The following NFASC variants were observed in gnomAD, a reference collection of about 807,000 sequenced individuals.
The protein encoded by NFASC is neurofascin.
A neutral mutation model predicts 147.5 loss-of-function variants in NFASC; 43 were observed. The observed-to-expected ratio is 0.29, with a 90% CI of 0.23 to 0.38. The LOEUF (loss-of-function observed/expected upper bound fraction) is 0.38, where lower values mean the gene tolerates loss of function less well. NFASC is among the 10% of genes least tolerant of loss of function. NFASC has a pLI of 1.00. For missense variants in NFASC, 1,320 were observed against 1,689.0 expected (o/e 0.78, Z 3.83); for synonymous variants, 622 against 665.5 (o/e 0.93, Z 1.01).
At chr1:204,994,597 C>T (rs926965213) in intron 24 of NFASC, among the ~76,000 whole-genome samples, 1 of 152,160 alleles carries the variant, frequency 6.6e-6, no homozygotes, top group African/African-American at 2.4e-5. Context: ...GAAGGGAGGC[C>T]CAGGCTCCTG....
At chr1:204,970,126 C>T (rs1480002818) in intron 10 of NFASC, among the ~76,000 whole-genome samples, 2 of 150,302 alleles carry the variant, frequency 1.3e-5, no homozygotes, top group African/African-American at 2.4e-5. Flanking sequence ...AATTCAGTGC[C>T]TAAAGAAATG....
intron 1 of NFASC, among the ~76,000 whole-genome samples, chr1:204,865,649 C>T (rs1232885046): frequency 6.6e-6 from 1 of 152,172 alleles, no homozygotes; most frequent in Non-Finnish European, 1.5e-5. Flanking sequence ...TTTTCCTTAT[C>T]CCACTACAAC....
chr1:204,909,387 G>A (rs1305981519), intron 1 of NFASC, among the ~76,000 whole-genome samples: 1 of 152,046 alleles, frequency 6.6e-6, no homozygotes, highest in African/African-American at 2.4e-5. Flanking sequence ...CGTATTTGTT[G>A]TCTGTATTTC....
intron 5 of NFASC, among the ~76,000 whole-genome samples, chr1:204,952,939 G>T (rs1440247754): frequency 6.6e-6 from 1 of 152,202 alleles, no homozygotes; most frequent in Non-Finnish European, 1.5e-5. Context: ...ACACAAGACA[G>T]TCTCAAACCC....
At chr1:204,856,155 C>T (rs963288263) in intron 1 of NFASC, among the ~76,000 whole-genome samples, 1 of 151,962 alleles carries the variant, frequency 6.6e-6, no homozygotes, top group African/African-American at 2.4e-5. Flanking sequence ...TGGTCTTTGC[C>T]CTCGAGAGCT....
intron 24 of NFASC, among the ~76,000 whole-genome samples, chr1:204,992,612 A>G (rs1274379701): frequency 6.6e-6 from 1 of 152,152 alleles, no homozygotes; most frequent in Non-Finnish European, 1.5e-5. Context: ...GGTGAGAGCC[A>G]TCCTTGCCAC....
chr1:204,994,349 C>G (rs547352495), intron 24 of NFASC, among the ~76,000 whole-genome samples: 1 of 152,198 alleles, frequency 6.6e-6, no homozygotes, highest in Non-Finnish European at 1.5e-5. Flanking sequence ...CTCATCCTTA[C>G]CTCTGCCCAG....
In NFASC at chr1:204,954,482, G is replaced by T. The variant is rs955768612; in HGVS notation, c.412+98G>T. ...TCCAGAAGGGCTGCCCCTGCCCTTG[G>T]CCTGCAGTTGCCTTGGTGTTCTCTA... On this transcript the variant is annotated intron_variant, in intron 6 of 29. Coordinates refer to ENST00000339876, the MANE Select transcript of NFASC (RefSeq NM_001005388.3). The surrounding 1 kb of genome is among the most constrained non-coding windows in gnomAD (Gnocchi z 5.7). The T allele has an allele frequency of 9.1e-7, 1 of 1,101,088 alleles. No individual in the cohort carries two copies. 68.2% of individuals were successfully genotyped at this position (1,101,088 alleles called of 1,614,324 possible). A position where few individuals can be genotyped will look rare whatever the true frequency, so the allele number is the denominator to read the frequency against.
In NFASC at chr1:204,964,282, C is replaced by T. The variant is rs1166146738; in HGVS notation, c.707-3967C>T. The stretch of plus-strand genomic sequence containing the variant: ...TATGGTTCCTAGTATGTGTTGGGCA[C>T]ATTCTCGATACTTAACAAGTGTTAC... On this transcript the variant is annotated intron_variant, in intron 8 of 29. Coordinates refer to ENST00000339876, the MANE Select transcript of NFASC (RefSeq NM_001005388.3). Among the ~76,000 whole-genome samples the T allele has an allele frequency of 3.3e-5, 5 of 152,230 alleles. No homozygotes were observed. In the East Asian group the frequency reaches 9.6e-4, roughly 29 times the overall value.
At chr1:204,998,519 T>G (rs770853768) in intron 25 of NFASC, 6 of 152,098 alleles carry the variant, frequency 3.9e-5, no homozygotes, top group Non-Finnish European at 7.4e-5. Context: ...TGACATAGAG[T>G]TAAGTGAGCT....
At position 204,874,878 on chromosome 1, in the gene NFASC, G is replaced by A. The variant is rs1253377514; in HGVS notation, c.-199-45754G>A. Among the ~76,000 whole-genome samples the A allele has an allele frequency of 2.0e-5, 3 of 152,086 alleles. No homozygotes were observed. The East Asian group carries it at 5.8e-4, about 29-fold the overall frequency. On this transcript the variant is annotated intron_variant, in intron 1 of 29. Transcript: ENST00000339876. ...CAAAATGAGAGGGGTGGGTGGTGGG[G>A]GCAGGTGGCATCATACTTTCTGGCT...
chr1:204,882,605 T>C (rs2080493089), intron 1 of NFASC, among the ~76,000 whole-genome samples: 1 of 152,056 alleles, frequency 6.6e-6, no homozygotes. Context: ...TCTCCCCCAC[T>C]GGAAGGTAGG....
intron 1 of NFASC, among the ~76,000 whole-genome samples, chr1:204,897,807 C>G (rs920220788): frequency 5.9e-5 from 9 of 152,100 alleles, no homozygotes; most frequent in African/African-American, 2.2e-4. Flanking sequence ...ATGGTCTCAC[C>G]TCACTGCAAC....
chr1:204,952,617 G>A (rs1036386684), intron 5 of NFASC, among the ~76,000 whole-genome samples: 9 of 152,114 alleles, frequency 5.9e-5, no homozygotes, highest in African/African-American at 2.2e-4. Flanking sequence ...GGGAAGGACC[G>A]ATGTCCTTAT....
intron 1 of NFASC, among the ~76,000 whole-genome samples, chr1:204,845,768 G>T (rs1391941466): frequency 6.6e-6 from 1 of 152,098 alleles, no homozygotes; most frequent in Non-Finnish European, 1.5e-5. Context: ...GCTAGGCATG[G>T]TGGCACAGCT....
Position 204,890,230 on chromosome 1 carries a change from C to T in NFASC, c.-199-30402C>T, listed in dbSNP as rs138876254. On this transcript the variant is annotated intron_variant, in intron 1 of 29. Transcript: ENST00000339876. ...ACACCTATCCCTTCCTGCATCCATC[C>T]ATTCACGCAGGTTGTGTTGGCTGCA... Among the ~76,000 whole-genome samples the T allele has an allele frequency of 7.5e-4, 114 of 152,224 alleles. 1 individual carries two copies. Among genetic ancestry groups the T allele is most frequent in the South Asian group, 4.4e-3 (21 of 4,824 alleles).
At chr1:204,846,729 G>A (rs968894239) in intron 1 of NFASC, among the ~76,000 whole-genome samples, 13 of 152,102 alleles carry the variant, frequency 8.5e-5, no homozygotes, top group African/African-American at 2.9e-4. Flanking sequence ...CAACAGCCAC[G>A]GGACTTGGTG....
intron 1 of NFASC, among the ~76,000 whole-genome samples, chr1:204,840,244 A>G (rs577479775): frequency 6.6e-6 from 1 of 152,298 alleles, no homozygotes; most frequent in Admixed American, 6.5e-5. Flanking sequence ...ATGGGTTCTC[A>G]ACCCTGCCAA....
chr1:204,944,450 G>A, intron 3 of NFASC, 44 bp downstream of exon 3: 1 of 1,356,946 alleles, frequency 7.4e-7, no homozygotes, highest in Non-Finnish European at 1.0e-6. Context: ...CCTGATTTTG[G>A]GCAGAGGGGT....
Sources: gnomAD v4.1 joint callset for allele counts (sites outside exome capture counted in the v4.1 genomes callset) on GRCh38, gnomAD v4.1.1 for gene constraint, Gnocchi (gnomAD v3.1) non-coding constraint, MANE v1.5 for transcripts, NCBI Gene and HGNC (gene_info 2026-07-23, HGNC 2026-07-21) for gene names.